RAPGEF4: variants seen among roughly 807,000 people sequenced by gnomAD.
RAPGEF4 encodes Rap guanine nucleotide exchange factor 4.
RAPGEF4 carries 66 observed loss-of-function variants against 147.9 expected under a neutral mutation model. The ratio of observed to expected loss-of-function variants is 0.45; its 90% CI spans 0.37 to 0.55. The LOEUF is 0.55. Ranked by LOEUF, RAPGEF4 falls within the 20% of genes least tolerant of loss-of-function variation. The pLI, the probability that RAPGEF4 is intolerant of heterozygous loss-of-function variation, is 0.00. For missense variants in RAPGEF4, 1,071 were observed against 1,257.3 expected, an observed-to-expected ratio of 0.85 and a Z score of 2.24; for synonymous variants, 419 against 442.7, an observed-to-expected ratio of 0.95 and a Z score of 0.67.
At chr2:173,009,540 T>A (rs929534219) in intron 17 of RAPGEF4, among the ~76,000 whole-genome samples, 1 of 152,112 alleles carries the variant, frequency 6.6e-6, no homozygotes, top group Non-Finnish European at 1.5e-5. Context: ...AAATTCGAAG[T>A]TTTTTTAGCT....
At chr2:172,993,629 T>G (rs925530585) in intron 15 of RAPGEF4, among the ~76,000 whole-genome samples, 65 of 152,122 alleles carry the variant, frequency 4.3e-4, no homozygotes, top group Admixed American at 4.2e-3. Context: ...TGACCTCATT[T>G]TAAACAGAGG....
intron 4 of RAPGEF4, among the ~76,000 whole-genome samples, chr2:172,862,461 A>G (rs1046553316): frequency 6.6e-6 from 1 of 152,132 alleles, no homozygotes; most frequent in African/African-American, 2.4e-5. Flanking sequence ...TTTATTTAGC[A>G]TTTGCTGTGT....
chr2:173,008,989 C>G (rs1694759083), intron 17 of RAPGEF4, among the ~76,000 whole-genome samples: 1 of 152,170 alleles, frequency 6.6e-6, no homozygotes, highest in African/African-American at 2.4e-5. Context: ...AGCCCTAAAG[C>G]CTCACTGCAA....
At chr2:172,980,987 T>C (rs764614912) in intron 10 of RAPGEF4, among the ~76,000 whole-genome samples, 1 of 152,140 alleles carries the variant, frequency 6.6e-6, no homozygotes, top group Non-Finnish European at 1.5e-5. Context: ...AAAAGTTGAG[T>C]AATACAGATC....
rs1238555512 is a variant in RAPGEF4, at chr2:172,967,424, G to A, written c.984G>A (p.Met328Ile). 1 of 1,611,614 alleles carries A rather than the reference G, an allele frequency of 6.2e-7. No homozygotes were observed. Among genetic ancestry groups the A allele is most frequent in the East Asian group, 2.2e-5 (1 of 44,862 alleles). ...LLSQMGPDAH[M>I]RMILRKPPGQ... The stretch of plus-strand genomic sequence containing the variant: ...CACAGATGGGCCCCGACGCCCACAT[G>A]AGGATGATCCTTCGCAAACCGTGAG... Residue 328 changes from methionine to isoleucine, a missense_variant, in exon 10 of 31, where the codon ATG becomes ATA. Physicochemically the swap from Met to Ile is conservative, Grantham distance 10. Coordinates refer to ENST00000397081, the MANE Select transcript of RAPGEF4 (RefSeq NM_007023.4).
At chr2:172,925,807 A>G (rs868777891) in intron 6 of RAPGEF4, among the ~76,000 whole-genome samples, 124 of 142,074 alleles carry the variant, frequency 8.7e-4, no homozygotes, top group Non-Finnish European at 1.2e-3. Flanking sequence ...GAAAGAAAGA[A>G]AGAGAGAGAG....
intron 4 of RAPGEF4, among the ~76,000 whole-genome samples, chr2:172,827,928 C>A (rs72908198): frequency 0.015 from 2,276 of 152,248 alleles, 19 homozygotes; most frequent in South Asian, 0.033. Context: ...CTGGCATGCT[C>A]AGCTTTCTAA....
At chr2:172,790,723 C>A (rs1455922602) in intron 1 of RAPGEF4, among the ~76,000 whole-genome samples, 5 of 152,190 alleles carry the variant, frequency 3.3e-5, no homozygotes, top group African/African-American at 9.7e-5. Context: ...GACTGCCATG[C>A]TGTTCAGATT....
At chr2:172,816,685 A>G (rs1210072073) in intron 4 of RAPGEF4, among the ~76,000 whole-genome samples, 1 of 152,000 alleles carries the variant, frequency 6.6e-6, no homozygotes, top group Non-Finnish European at 1.5e-5. Context: ...AGTGGGTCCA[A>G]CTCTTCCCCT....
chr2:172,805,549 C>A (rs1687407598), intron 3 of RAPGEF4, among the ~76,000 whole-genome samples: 1 of 152,178 alleles, frequency 6.6e-6, no homozygotes. Context: ...TTCATCTTAA[C>A]CCAAGGAAAA....
At chr2:172,839,093 T>C (rs998208972) in intron 4 of RAPGEF4, among the ~76,000 whole-genome samples, 3 of 152,074 alleles carry the variant, frequency 2.0e-5, no homozygotes, top group African/African-American at 7.3e-5. Context: ...TTTTTACTTT[T>C]AATGAAATAA....
intron 6 of RAPGEF4, among the ~76,000 whole-genome samples, chr2:172,948,053 A>G (rs2105368928): frequency 6.6e-6 from 1 of 152,280 alleles, no homozygotes; most frequent in East Asian, 1.9e-4. Context: ...TTTTGTATCC[A>G]GCTTCTCTCA....
intron 3 of RAPGEF4, among the ~76,000 whole-genome samples, chr2:172,800,570 T>G (rs76345894): frequency 6.1e-4 from 93 of 151,284 alleles, no homozygotes; most frequent in African/African-American, 2.0e-3. Flanking sequence ...GAGATAGAGA[T>G]AGAGAGAGAG....
chr2:172,908,574 G>C (rs1389920835), intron 4 of RAPGEF4, among the ~76,000 whole-genome samples: 1 of 152,194 alleles, frequency 6.6e-6, no homozygotes, highest in Non-Finnish European at 1.5e-5. Context: ...GTAGATCTTT[G>C]AGTGACATCT....
At chr2:173,005,598 C>T (rs1482925587) in intron 17 of RAPGEF4, among the ~76,000 whole-genome samples, 1 of 135,918 alleles carries the variant, frequency 7.4e-6, no homozygotes, top group Non-Finnish European at 1.5e-5. Context: ...TCTTGGCTCA[C>T]TGCAACCTCC....
chr2:172,785,641 G>A (rs555057058), intron 1 of RAPGEF4, among the ~76,000 whole-genome samples: 17 of 152,216 alleles, frequency 1.1e-4, no homozygotes, highest in South Asian at 4.2e-4. Flanking sequence ...TTCCAAAGAC[G>A]TCTGAAAATT....
chr2:172,820,530 T>C (rs1688961551), intron 4 of RAPGEF4, among the ~76,000 whole-genome samples: 1 of 152,200 alleles, frequency 6.6e-6, no homozygotes, highest in Non-Finnish European at 1.5e-5. Context: ...TGTGATTTTA[T>C]TCCAACCAGG....
intron 19 of RAPGEF4, 127 bp downstream of exon 19, chr2:173,016,564 T>A: frequency 1.4e-6 from 1 of 727,798 alleles, no homozygotes; most frequent in Non-Finnish European, 2.4e-6. Flanking sequence ...TTAAGCAGAC[T>A]GGGCTGAGGG....
intron 1 of RAPGEF4, among the ~76,000 whole-genome samples, chr2:172,740,223 C>G (rs1232896311): frequency 6.6e-6 from 1 of 152,152 alleles, no homozygotes; most frequent in Non-Finnish European, 1.5e-5. Flanking sequence ...GACAGTGAAA[C>G]CACTGGAGAT....
Sources: gnomAD v4.1 joint callset for allele counts (sites outside exome capture counted in the v4.1 genomes callset) on GRCh38, gnomAD v4.1.1 for gene constraint, MANE v1.5 for transcripts, NCBI Gene and HGNC (gene_info 2026-07-23, HGNC 2026-07-21) for gene names.